Variants in CEP112 observed in about 807,000 individuals in gnomAD.
CEP112 encodes centrosomal protein 112.
A neutral mutation model predicts 153.0 loss-of-function variants in CEP112; 127 were observed. The observed-to-expected ratio is 0.83, with a 90% CI of 0.72 to 0.96. The LOEUF is 0.96. Among genes scored for constraint, CEP112 ranks in the 40% least tolerant of loss-of-function variants. The pLI, the probability that CEP112 is intolerant of heterozygous loss-of-function variation, is 0.00. For missense variants in CEP112, 1,089 were observed against 1,101.2 expected, an observed-to-expected ratio of 0.99 and a Z score of 0.16; for synonymous variants, 358 against 374.4, an observed-to-expected ratio of 0.96 and a Z score of 0.51.
Position 65,937,670 on chromosome 17 carries a change from C to T in CEP112, c.1873-9981G>A, listed in dbSNP as rs1372510608. Among the ~76,000 whole-genome samples the T allele has an allele frequency of 6.4e-3, 599 of 93,818 alleles. 123 individuals carry two copies. Among genetic ancestry groups the T allele is most frequent in the Non-Finnish European group, 7.2e-3 (332 of 46,016 alleles). The allele number at this position is 93,818 out of a possible 152,430, so 61.5% of individuals were successfully genotyped here. A position where few individuals can be genotyped will look rare whatever the true frequency, so the allele number is the denominator to read the frequency against. ...CGCCCTGTCCGGGAGGTGAGGGGCG[C>T]CTCTGCCCGGCCGCCCCTACTGGGA... On this transcript the variant is annotated intron_variant, in intron 18 of 26. Coordinates refer to ENST00000535342, the MANE Select transcript of CEP112 (RefSeq NM_001199165.4).
At chr17:66,106,336 AAC>A (rs1006694172) in intron 6 of CEP112, among the ~76,000 whole-genome samples, 2 of 152,048 alleles carry the variant, frequency 1.3e-5, no homozygotes, top group African/African-American at 4.8e-5. Context: ...AAATTTAAAA[AAC>A]ACACAAAAAA....
At position 66,026,088 on chromosome 17, in the gene CEP112, G is replaced by A. The variant is rs1160833786; in HGVS notation, c.1656+1413C>T. Among the ~76,000 whole-genome samples the A allele has an allele frequency of 3.3e-5, 5 of 152,146 alleles. No homozygotes were observed. In the East Asian group the frequency reaches 7.7e-4, roughly 24 times the overall value. ...AGCTATATAATGGGTACACATGAAC[G>A]TAGAGTGTGGAGAGTGTGGAATGAC... On this transcript the variant is annotated intron_variant, in intron 16 of 26. Transcript: ENST00000535342.
chr17:65,858,939 C>A (rs1366603367), intron 20 of CEP112, among the ~76,000 whole-genome samples: 1 of 152,112 alleles, frequency 6.6e-6, no homozygotes, highest in Non-Finnish European at 1.5e-5. Context: ...CCACCTCATC[C>A]CCACCCAAAA....
chr17:65,746,941 T>A (rs957748695), intron 22 of CEP112, among the ~76,000 whole-genome samples: 1 of 152,134 alleles, frequency 6.6e-6, no homozygotes, highest in Non-Finnish European at 1.5e-5. Flanking sequence ...AAATTAGTAT[T>A]TTCAGAAACA....
intron 17 of CEP112, among the ~76,000 whole-genome samples, chr17:65,998,382 CAAAAA>C (rs34117654): frequency 4.3e-5 from 3 of 70,028 alleles, no homozygotes; most frequent in Admixed American, 4.4e-4. Context: ...GGCCTCGTCT[CAAAAA>C]AAAAAAAAAA....
intron 21 of CEP112, among the ~76,000 whole-genome samples, chr17:65,757,326 T>C (rs911430789): frequency 1.3e-5 from 2 of 152,154 alleles, no homozygotes; most frequent in African/African-American, 2.4e-5. Context: ...GGAACAATGA[T>C]GGGAGCTTCT....
At chr17:65,970,617 TG>T (rs936411906) in intron 17 of CEP112, among the ~76,000 whole-genome samples, 1 of 151,964 alleles carries the variant, frequency 6.6e-6, no homozygotes, top group Non-Finnish European at 1.5e-5. Context: ...TGCAGGCATA[TG>T]GAATGGAAGC....
At chr17:65,843,060 G>A (rs901917558) in intron 21 of CEP112, among the ~76,000 whole-genome samples, 1 of 152,022 alleles carries the variant, frequency 6.6e-6, no homozygotes, top group Non-Finnish European at 1.5e-5. Flanking sequence ...GTTAGTTTTT[G>A]TATAAGACAA....
intron 20 of CEP112, among the ~76,000 whole-genome samples, chr17:65,881,586 A>G (rs1439299998): frequency 3.9e-5 from 6 of 152,204 alleles, no homozygotes; most frequent in African/African-American, 1.2e-4. Flanking sequence ...TCAATTAACT[A>G]TCCTCAATTA....
chr17:65,676,927 G>C (rs183796345), intron 24 of CEP112, among the ~76,000 whole-genome samples: 1 of 152,202 alleles, frequency 6.6e-6, no homozygotes, highest in East Asian at 1.9e-4. Flanking sequence ...TTTCAACTGG[G>C]GGAGCCTGGC....
chr17:66,089,532 T>C (rs2068061160), intron 8 of CEP112, among the ~76,000 whole-genome samples: 1 of 151,416 alleles, frequency 6.6e-6, no homozygotes, highest in South Asian at 2.1e-4. Context: ...ATATAACGAA[T>C]GAAAAGAAAA....
At chr17:66,019,437 A>G (rs978332298) in intron 16 of CEP112, among the ~76,000 whole-genome samples, 12 of 152,216 alleles carry the variant, frequency 7.9e-5, no homozygotes, top group African/African-American at 2.9e-4. Flanking sequence ...GAGGGATATA[A>G]GACATCAAAA....
chr17:65,889,200 T>C (rs2059384454), intron 20 of CEP112, among the ~76,000 whole-genome samples: 1 of 152,144 alleles, frequency 6.6e-6, no homozygotes, highest in African/African-American at 2.4e-5. Context: ...CTGTCAGTAA[T>C]GGCCCGAGTT....
At chr17:65,978,892 G>C (rs1210917390) in intron 17 of CEP112, among the ~76,000 whole-genome samples, 1 of 152,142 alleles carries the variant, frequency 6.6e-6, no homozygotes, top group African/African-American at 2.4e-5. Context: ...GTATGTTTTT[G>C]TGAGAAGTGC....
chr17:65,800,571 A>T (rs1258038190), intron 21 of CEP112, among the ~76,000 whole-genome samples: 1 of 152,184 alleles, frequency 6.6e-6, no homozygotes, highest in Non-Finnish European at 1.5e-5. Flanking sequence ...TGCTTTGAAC[A>T]TCTGTGCACA....
chr17:65,657,857 A>C (rs1483877422), intron 24 of CEP112, among the ~76,000 whole-genome samples: 4 of 152,246 alleles, frequency 2.6e-5, no homozygotes, highest in Admixed American at 2.6e-4. Flanking sequence ...CACTGGACAC[A>C]TAGCAAATGC....
chr17:66,176,791 A>G, intron 3 of CEP112, 39 bp downstream of exon 3: 1 of 1,473,004 alleles, frequency 6.8e-7, no homozygotes, highest in Non-Finnish European at 9.1e-7. Flanking sequence ...CTTTTTTTTA[A>G]ATGAAACTAA....
At chr17:65,729,387 T>A (rs2050366855) in intron 23 of CEP112, among the ~76,000 whole-genome samples, 1 of 152,154 alleles carries the variant, frequency 6.6e-6, no homozygotes, top group Non-Finnish European at 1.5e-5. Flanking sequence ...TATACACCTA[T>A]GTAGCATATA....
intron 21 of CEP112, among the ~76,000 whole-genome samples, chr17:65,829,805 T>C (rs1176766110): frequency 2.0e-5 from 3 of 152,146 alleles, no homozygotes; most frequent in African/African-American, 7.2e-5. Flanking sequence ...GTACTCAACT[T>C]AGCATGAAAG....
Sources: gnomAD v4.1 joint callset for allele counts (sites outside exome capture counted in the v4.1 genomes callset) on GRCh38, gnomAD v4.1.1 for gene constraint, MANE v1.5 for transcripts, NCBI Gene and HGNC (gene_info 2026-07-23, HGNC 2026-07-21) for gene names.